Variants in USP28 observed in about 807,000 individuals in gnomAD.
The protein encoded by USP28 is ubiquitin specific peptidase 28, also known as ubiquitin carboxyl-terminal hydrolase 28.
In USP28, 113 loss-of-function variants were observed where a neutral mutation model predicts 145.0. The observed-to-expected ratio is 0.78, with a 90% CI of 0.67 to 0.91. The LOEUF is 0.91. Among genes scored for constraint, USP28 ranks in the 40% least tolerant of loss-of-function variants. The pLI, the probability that USP28 is intolerant of heterozygous loss-of-function variation, is 0.00. For missense variants in USP28, 1,201 were observed against 1,289.6 expected, an observed-to-expected ratio of 0.93 and a Z score of 1.05; for synonymous variants, 447 against 450.9, an observed-to-expected ratio of 0.99 and a Z score of 0.11.
intron 16 of USP28, among the ~76,000 whole-genome samples, chr11:113,809,541 G>A (rs992544090): frequency 6.6e-6 from 1 of 152,180 alleles, no homozygotes; most frequent in African/African-American, 2.4e-5. Flanking sequence ...GCTCCAATGA[G>A]CATTCCCTTC....
chr11:113,839,203 G>T (rs1165062110), intron 5 of USP28, among the ~76,000 whole-genome samples: 1 of 152,170 alleles, frequency 6.6e-6, no homozygotes, highest in Non-Finnish European at 1.5e-5. Flanking sequence ...TGTGATCAAA[G>T]GACAAAAGGG....
At chr11:113,803,125 A>G in intron 23 of USP28, 33 bp downstream of exon 24, 1 of 1,586,784 alleles carries the variant, frequency 6.3e-7, no homozygotes, top group Non-Finnish European at 8.6e-7. Flanking sequence ...GTAAACAACA[A>G]AAAAACCTTA....
At chr11:113,829,428 T>C (rs1165159790) in intron 9 of USP28, 83 bp from the exon 10 acceptor site, 5 of 1,539,448 alleles carry the variant, frequency 3.2e-6, no homozygotes, top group Non-Finnish European at 4.4e-6. Context: ...AGACAACATT[T>C]TAAATTCAGC....
At chr11:113,832,064 C>G in intron 7 of USP28, 71 bp from the exon 8 acceptor site, 1 of 1,275,466 alleles carries the variant, frequency 7.8e-7, no homozygotes, top group Non-Finnish European at 1.1e-6. Flanking sequence ...ATCCTTATCC[C>G]ACCAATGAAT....
At chr11:113,813,155 C>A (rs936963338) in intron 15 of USP28, among the ~76,000 whole-genome samples, 2 of 152,150 alleles carry the variant, frequency 1.3e-5, no homozygotes, top group Non-Finnish European at 2.9e-5. Context: ...TTACTTTGAC[C>A]TATTTTAATT....
exon 15 of USP28, chr11:113,813,922 G>C: frequency 6.2e-7 from 1 of 1,611,590 alleles, no homozygotes; most frequent in East Asian, 2.2e-5. Context: ...CTGTTCAATA[G>C]TCTGAGTAGT....
chr11:113,853,878 C>CAAA lies in USP28; in HGVS notation c.135+377_135+379dup, dbSNP rs57739058. 1.9e-4 allele frequency among the ~76,000 whole-genome samples: 23 copies of CAAA among 123,224 alleles called. 1 individual carries two copies. The East Asian group carries it at 2.3e-3, about 12-fold the overall frequency. The allele number at this position is 123,224 out of a possible 152,430, so 80.8% of individuals were successfully genotyped here. A position where few individuals can be genotyped will look rare whatever the true frequency, so the allele number is the denominator to read the frequency against. ...TGGGCATCAGAGTGAGACTCCATCTCAAAAAAAAAAAAAAGTATATATATA... is the reference window on the plus strand; with the variant it reads ...TGGGCATCAGAGTGAGACTCCATCTCAAAAAAAAAAAAAAAAAGTATATATATA... On this transcript the variant is annotated intron_variant, in intron 2 of 24. Coordinates refer to ENST00000003302, the Ensembl canonical transcript of USP28.
exon 16 of USP28, chr11:113,812,350 G>A (rs772125809): frequency 3.1e-6 from 5 of 1,613,892 alleles, no homozygotes; most frequent in Non-Finnish European, 4.2e-6. Context: ...GCCTCCATAG[G>A]AATCTCTTTC....
chr11:113,874,878 A>G lies in USP28; in HGVS notation c.57+567T>C. 4 of 1,001,218 alleles carry G rather than the reference A, an allele frequency of 4.0e-6. No individual in the cohort carries two copies. In the South Asian group the frequency reaches 1.2e-4, roughly 31 times the overall value. The allele number at this position is 1,001,218 out of a possible 1,614,324, so 62.0% of individuals were successfully genotyped here. On this transcript the variant is annotated intron_variant, in intron 1 of 24. Coordinates refer to ENST00000003302, the Ensembl canonical transcript of USP28. ...ACGCAGCTCCTCCCCCTCCTTAAAA[A>G]TCTAGAGCGATGAAGGCAATAATTG...
intron 9 of USP28, among the ~76,000 whole-genome samples, chr11:113,830,124 A>AG (rs1943824262): frequency 6.6e-6 from 1 of 152,188 alleles, no homozygotes; most frequent in South Asian, 2.1e-4. Flanking sequence ...AAAACGATGG[A>AG]GGGGGAGCCT....
intron 2 of USP28, among the ~76,000 whole-genome samples, chr11:113,853,734 G>T (rs1366552644): frequency 6.6e-6 from 1 of 152,002 alleles, no homozygotes; most frequent in East Asian, 1.9e-4. Context: ...AATTAGCCAG[G>T]TGTGGTGGCG....
At chr11:113,848,905 G>T (rs1380864541) in intron 3 of USP28, among the ~76,000 whole-genome samples, 3 of 152,206 alleles carry the variant, frequency 2.0e-5, no homozygotes, top group East Asian at 1.9e-4. Context: ...GCAAAAGCCT[G>T]TGAGTGCCTC....
intron 12 of USP28, chr11:113,821,352 A>G: frequency 4.4e-6 from 1 of 228,404 alleles, no homozygotes; most frequent in Non-Finnish European, 9.8e-6. Context: ...TCCTGTGTCC[A>G]GCATCTCACA....
At chr11:113,830,470 G>T (rs1362039892) in intron 9 of USP28, among the ~76,000 whole-genome samples, 1 of 152,150 alleles carries the variant, frequency 6.6e-6, no homozygotes, top group Non-Finnish European at 1.5e-5. Flanking sequence ...AGCTTAGATA[G>T]ATAAGCCTCC....
chr11:113,873,875 G>T (rs918852779), intron 1 of USP28, among the ~76,000 whole-genome samples: 1 of 152,176 alleles, frequency 6.6e-6, no homozygotes, highest in African/African-American at 2.4e-5. Flanking sequence ...GGGCGCCCTG[G>T]TTCACGCCTG....
At chr11:113,865,724 C>A (rs12417827) in intron 1 of USP28, among the ~76,000 whole-genome samples, 5,320 of 152,234 alleles carry the variant, frequency 0.035, 433 homozygotes, top group East Asian at 0.3. Context: ...AAATAAATAA[C>A]TAAAACTATA....
chr11:113,807,662 A>G (rs529004054), intron 18 of USP28, among the ~76,000 whole-genome samples: 8 of 152,312 alleles, frequency 5.3e-5, no homozygotes, highest in African/African-American at 1.7e-4. Context: ...TCTTTTGTCC[A>G]TAATACCAAA....
exon 13 of USP28, chr11:113,817,718 T>C (rs777454915): frequency 1.3e-5 from 21 of 1,614,128 alleles, no homozygotes; most frequent in South Asian, 1.1e-5. Context: ...TAATGTCATA[T>C]GTGTGTCACT....
chr11:113,823,741 C>T (rs1942971317), intron 11 of USP28, 41 bp from the exon 12 acceptor site: 2 of 1,466,304 alleles, frequency 1.4e-6, no homozygotes, highest in Admixed American at 2.0e-5. Flanking sequence ...TATTATAAAA[C>T]ATTAATGACA....
Sources: allele counts gnomAD v4.1 joint callset (sites outside exome capture counted in the v4.1 genomes callset), GRCh38; gene constraint gnomAD v4.1.1; transcripts MANE v1.5; gene names NCBI Gene and HGNC (gene_info 2026-07-23, HGNC 2026-07-21).